The following PTGFR variants were observed in gnomAD, a reference collection of about 807,000 sequenced individuals.
PTGFR encodes prostaglandin F2-alpha receptor.
PTGFR carries 15 observed loss-of-function variants against 26.2 expected under a neutral mutation model. The ratio of observed to expected loss-of-function variants is 0.57; its 90% CI spans 0.38 to 0.88. The LOEUF (loss-of-function observed/expected upper bound fraction) is 0.88. PTGFR is among the 40% of genes least tolerant of loss of function. The pLI is 0.00. For synonymous variants in PTGFR, 165 were observed against 151.1 expected (o/e 1.09, Z -0.68); for missense variants, 369 against 427.2 (o/e 0.86, Z 1.20).
At chr1:78,518,590 AC>A (rs1177683443) in intron 2 of PTGFR, among the ~76,000 whole-genome samples, 4 of 137,066 alleles carry the variant, frequency 2.9e-5, no homozygotes, top group African/African-American at 8.9e-5. Context: ...ACACACACAC[AC>A]ACACACACAC....
chr1:78,538,647 T>C lies in PTGFR; in HGVS notation c.*1960T>C, dbSNP rs565598578. The C allele has an allele frequency of 6.6e-6, 1 of 152,230 alleles. No individual in the cohort carries two copies. The highest frequency in any genetic ancestry group is 2.1e-4 in the South Asian group (1 of 4,832). 9.4% of individuals were successfully genotyped at this position (152,230 alleles called of 1,614,324 possible). On this transcript the variant is annotated 3_prime_UTR_variant, in exon 3 of 3. Transcript: ENST00000370757. ...ATCTGACTTAAGAGTTTCATTTCTGTTATTATATGTGTTGCATGTAGCTTG... is the reference window on the plus strand; with the variant it reads ...ATCTGACTTAAGAGTTTCATTTCTGCTATTATATGTGTTGCATGTAGCTTG...
intron 2 of PTGFR, among the ~76,000 whole-genome samples, chr1:78,495,393 G>A (rs1240517249): frequency 1.3e-5 from 2 of 152,196 alleles, no homozygotes; most frequent in African/African-American, 4.8e-5. Context: ...TTATTTTTCT[G>A]TAGTTAAGCT....
chr1:78,516,479 C>T (rs2100379017), intron 2 of PTGFR, among the ~76,000 whole-genome samples: 1 of 152,212 alleles, frequency 6.6e-6, no homozygotes, highest in East Asian at 1.9e-4. Context: ...TATTTTTGTA[C>T]TCTGTTGTTA....
chr1:78,513,678 G>A (rs568431991), intron 2 of PTGFR, among the ~76,000 whole-genome samples: 14 of 152,318 alleles, frequency 9.2e-5, no homozygotes, highest in South Asian at 6.2e-4. Context: ...AGATATTAGC[G>A]TGACTAAAAA....
At chr1:78,524,414 T>C (rs1650319236) in intron 2 of PTGFR, among the ~76,000 whole-genome samples, 1 of 152,118 alleles carries the variant, frequency 6.6e-6, no homozygotes, top group East Asian at 1.9e-4. Context: ...CGACTTATAA[T>C]AGATGCCTTA....
At chr1:78,514,125 C>A (rs1229517760) in intron 2 of PTGFR, among the ~76,000 whole-genome samples, 1 of 152,214 alleles carries the variant, frequency 6.6e-6, no homozygotes, top group Non-Finnish European at 1.5e-5. Context: ...CAGAGAGGCA[C>A]TGCCTAGTGG....
At chr1:78,535,062 G>A (rs1650613330) in intron 2 of PTGFR, among the ~76,000 whole-genome samples, 1 of 152,196 alleles carries the variant, frequency 6.6e-6, no homozygotes. Context: ...GTGCCCTAGT[G>A]TTCTGGGGAG....
At chr1:78,533,757 C>T (rs1053142316) in intron 2 of PTGFR, among the ~76,000 whole-genome samples, 13 of 152,134 alleles carry the variant, frequency 8.5e-5, no homozygotes, top group Admixed American at 1.3e-4. Flanking sequence ...AGAGATGATG[C>T]GATAACATCC....
chr1:78,528,172 C>G (rs1008634124), intron 2 of PTGFR, among the ~76,000 whole-genome samples: 11 of 151,748 alleles, frequency 7.2e-5, no homozygotes, highest in African/African-American at 2.7e-4. Flanking sequence ...TAGGCTGTTA[C>G]CTGGAGAATG....
At chr1:78,521,717 A>G (rs982372258) in intron 2 of PTGFR, among the ~76,000 whole-genome samples, 2 of 152,014 alleles carry the variant, frequency 1.3e-5, no homozygotes, top group Non-Finnish European at 2.9e-5. Context: ...TGTCAATACT[A>G]TGTTAAACGG....
At chr1:78,518,998 C>A (rs951629899) in intron 2 of PTGFR, among the ~76,000 whole-genome samples, 1 of 152,084 alleles carries the variant, frequency 6.6e-6, no homozygotes, top group Non-Finnish European at 1.5e-5. Context: ...GTATTCATTC[C>A]CAGTTGAATA....
intron 2 of PTGFR, among the ~76,000 whole-genome samples, chr1:78,525,220 A>G (rs1650343495): frequency 6.6e-6 from 1 of 151,952 alleles, no homozygotes; most frequent in African/African-American, 2.4e-5. Context: ...TCATAGATAT[A>G]TAGCAGAGTC....
intron 2 of PTGFR, among the ~76,000 whole-genome samples, chr1:78,528,440 T>C (rs1650428763): frequency 6.6e-6 from 1 of 152,188 alleles, no homozygotes; most frequent in East Asian, 1.9e-4. Context: ...GGCTGATTTT[T>C]TGTCCCGACC....
chr1:78,491,797 T>A (rs541859156), intron 1 of PTGFR, among the ~76,000 whole-genome samples: 17 of 152,296 alleles, frequency 1.1e-4, no homozygotes, highest in Non-Finnish European at 7.4e-5. Context: ...ATTCCCAGCC[T>A]CCGGGAAAGC....
At chr1:78,513,551 CTT>C (rs1342355638) in intron 2 of PTGFR, among the ~76,000 whole-genome samples, 1 of 152,176 alleles carries the variant, frequency 6.6e-6, no homozygotes, top group Admixed American at 6.5e-5. Context: ...AAAGGAATGA[CTT>C]AATGCTGGAA....
At chr1:78,534,692 A>T (rs553808428) in intron 2 of PTGFR, among the ~76,000 whole-genome samples, 1 of 144,330 alleles carries the variant, frequency 6.9e-6, no homozygotes, top group African/African-American at 2.6e-5. Flanking sequence ...AAAATTACAT[A>T]TTTGGTTTTT....
chr1:78,505,162 G>A (rs1570276261), intron 2 of PTGFR, among the ~76,000 whole-genome samples: 1 of 104,404 alleles, frequency 9.6e-6, no homozygotes, highest in Non-Finnish European at 1.8e-5. Flanking sequence ...TGCTCTTGTT[G>A]TCCAGGCTGG....
At position 78,493,535 on chromosome 1, in the gene PTGFR, A is replaced by T; in HGVS notation, c.792A>T (p.Pro264=). The T allele has an allele frequency of 6.5e-7, 1 of 1,527,126 alleles. No individual in the cohort carries two copies. Among genetic ancestry groups the T allele is most frequent in the Non-Finnish European group, 8.8e-7 (1 of 1,139,780 alleles). 94.6% of individuals were successfully genotyped at this position (1,527,126 alleles called of 1,614,324 possible). Residue 264 remains proline, a synonymous_variant, in exon 2 of 3, where the codon CCA becomes CCT. Coordinates refer to ENST00000370757, the MANE Select transcript of PTGFR (RefSeq NM_000959.4). ...GTGTCTCCTGTATTTGTTGGAGCCC[A>T]TTTCTGGTAAGAGCCTGAAGTTTTG... is the stretch of plus-strand genomic sequence containing the variant. ...IMCVSCICWS[P]FLVTMANIGI... is the part of the protein sequence containing the mutation.
chr1:78,528,545 T>G (rs1650430746), intron 2 of PTGFR, among the ~76,000 whole-genome samples: 1 of 152,172 alleles, frequency 6.6e-6, no homozygotes, highest in Non-Finnish European at 1.5e-5. Flanking sequence ...CTCTTTTCTG[T>G]GTGTTCCACG....
Sources: allele counts gnomAD v4.1 joint callset (sites outside exome capture counted in the v4.1 genomes callset), GRCh38; gene constraint gnomAD v4.1.1; transcripts MANE v1.5; gene names NCBI Gene and HGNC (gene_info 2026-07-23, HGNC 2026-07-21).